MALRD1: variants seen among roughly 807,000 people sequenced by gnomAD.
MALRD1 encodes MAM and LDL receptor class A domain containing 1.
MALRD1 carries 247 observed loss-of-function variants against 242.1 expected under a neutral mutation model. That is an observed-to-expected ratio of 1.02 (90% confidence interval 0.92 to 1.13). The LOEUF (loss-of-function observed/expected upper bound fraction) is 1.13, where lower values mean the gene tolerates loss of function less well. Ranked by LOEUF, MALRD1 falls within the 50% of genes most tolerant of loss-of-function variation. The probability of loss-of-function intolerance (pLI) is 0.00; values close to 1 mark genes in which losing one functional copy is unlikely to be tolerated. For missense variants in MALRD1, 2,989 were observed against 2,533.1 expected (o/e 1.18, Z -3.86); for synonymous variants, 995 against 866.6 (o/e 1.15, Z -2.60).
chr10:19,687,114 C>T (rs568542485), intron 36 of MALRD1, among the ~76,000 whole-genome samples: 1 of 151,976 alleles, frequency 6.6e-6, no homozygotes, highest in South Asian at 2.1e-4. Context: ...AAAGTAATTA[C>T]ATCGTATCTA....
chr10:19,410,710 T>G (rs971115772), intron 28 of MALRD1, among the ~76,000 whole-genome samples: 17 of 151,306 alleles, frequency 1.1e-4, no homozygotes, highest in African/African-American at 3.6e-4. Flanking sequence ...ATCAAGTGTT[T>G]AGTGAGGACC....
intron 36 of MALRD1, among the ~76,000 whole-genome samples, chr10:19,687,693 C>T (rs1842633815): frequency 6.6e-6 from 1 of 152,128 alleles, no homozygotes; most frequent in Non-Finnish European, 1.5e-5. Context: ...TTATACAAAT[C>T]TTACTGATTT....
intron 28 of MALRD1, among the ~76,000 whole-genome samples, chr10:19,403,831 A>AT (rs1195239422): frequency 6.6e-6 from 1 of 152,076 alleles, no homozygotes; most frequent in African/African-American, 2.4e-5. Context: ...TTTCTAAGTT[A>AT]TTTTTCAGAA....
At chr10:19,057,311 C>A (rs534822438) in intron 1 of MALRD1, among the ~76,000 whole-genome samples, 1 of 152,252 alleles carries the variant, frequency 6.6e-6, no homozygotes, top group Non-Finnish European at 1.5e-5. Context: ...AAGGTGCCAG[C>A]AGATTCAGTG....
At chr10:19,279,599 A>G (rs981820742) in intron 19 of MALRD1, among the ~76,000 whole-genome samples, 1 of 152,210 alleles carries the variant, frequency 6.6e-6, no homozygotes, top group African/African-American at 2.4e-5. Flanking sequence ...GAAACCTTGA[A>G]TTTTAAATAA....
chr10:19,529,281 A>G (rs1180770774), intron 31 of MALRD1, among the ~76,000 whole-genome samples: 1 of 152,166 alleles, frequency 6.6e-6, no homozygotes, highest in African/African-American at 2.4e-5. Flanking sequence ...GTGGGAGGGA[A>G]TAATTGAAAA....
intron 32 of MALRD1, among the ~76,000 whole-genome samples, chr10:19,559,642 G>T (rs992720712): frequency 2.6e-5 from 4 of 152,076 alleles, no homozygotes; most frequent in Non-Finnish European, 5.9e-5. Context: ...TGACAAATGG[G>T]TTCTAATTAA....
chr10:19,175,619 C>A (rs1042816189), intron 14 of MALRD1, among the ~76,000 whole-genome samples: 8 of 151,262 alleles, frequency 5.3e-5, no homozygotes, highest in African/African-American at 1.9e-4. Context: ...AATTATCTTG[C>A]ATATTTTAAA....
At chr10:19,414,969 C>T (rs1433289805) in intron 28 of MALRD1, among the ~76,000 whole-genome samples, 1 of 152,122 alleles carries the variant, frequency 6.6e-6, no homozygotes, top group African/African-American at 2.4e-5. Flanking sequence ...ATCTGCATAC[C>T]TTCTACTTGA....
At chr10:19,588,845 G>A (rs7078344) in intron 33 of MALRD1, among the ~76,000 whole-genome samples, 56,438 of 151,920 alleles carry the variant, frequency 0.37, 11,766 homozygotes, top group Non-Finnish European at 0.48. Context: ...GTTTCACCAC[G>A]CTGGCCAGGC....
At chr10:19,607,438 C>T (rs1838691295) in intron 34 of MALRD1, among the ~76,000 whole-genome samples, 1 of 152,060 alleles carries the variant, frequency 6.6e-6, no homozygotes, top group Admixed American at 6.6e-5. Flanking sequence ...TCTCTCTCTT[C>T]TTATAACCTT....
At chr10:19,379,503 G>A (rs1845749370) in intron 26 of MALRD1, among the ~76,000 whole-genome samples, 1 of 151,920 alleles carries the variant, frequency 6.6e-6, no homozygotes. Flanking sequence ...ATTTTCATAG[G>A]GTTCAAACTA....
At chr10:19,442,500 C>T (rs1314637845) in intron 28 of MALRD1, among the ~76,000 whole-genome samples, 2 of 152,126 alleles carry the variant, frequency 1.3e-5, no homozygotes, top group Non-Finnish European at 2.9e-5. Context: ...CCCATCAATA[C>T]CTAATTTATT....
At chr10:19,372,973 T>C (rs1420457677) in intron 26 of MALRD1, among the ~76,000 whole-genome samples, 1 of 151,984 alleles carries the variant, frequency 6.6e-6, no homozygotes, top group East Asian at 1.9e-4. Flanking sequence ...TAAATAATCT[T>C]TGTGAAGATA....
chr10:19,104,290 G>T (rs1836385910), intron 5 of MALRD1, among the ~76,000 whole-genome samples: 1 of 152,112 alleles, frequency 6.6e-6, no homozygotes, highest in Non-Finnish European at 1.5e-5. Flanking sequence ...AACTGAATGG[G>T]ATAATTTAGT....
chr10:19,645,536 T>C (rs1840615045), intron 36 of MALRD1, among the ~76,000 whole-genome samples: 1 of 152,198 alleles, frequency 6.6e-6, no homozygotes, highest in African/African-American at 2.4e-5. Context: ...CACTGTGGAA[T>C]ACTATGCAGC....
intron 18 of MALRD1, among the ~76,000 whole-genome samples, chr10:19,219,403 A>G (rs1242147686): frequency 6.6e-6 from 1 of 152,152 alleles, no homozygotes; most frequent in Non-Finnish European, 1.5e-5. Flanking sequence ...AGAGTACCAT[A>G]GCATATGTGA....
At chr10:19,233,190 T>A (rs571885782) in intron 18 of MALRD1, among the ~76,000 whole-genome samples, 1 of 152,242 alleles carries the variant, frequency 6.6e-6, no homozygotes, top group South Asian at 2.1e-4. Flanking sequence ...CCCTCAAGCA[T>A]TTATCCTCTG....
At position 19,347,816 on chromosome 10, in the gene MALRD1, G is replaced by A. The variant is rs1844198273; in HGVS notation, c.3947G>A (p.Trp1316Ter). The A allele has an allele frequency of 6.4e-7, 1 of 1,550,470 alleles. No homozygotes were observed. The highest frequency in any genetic ancestry group is 8.7e-7 in the Non-Finnish European group (1 of 1,146,842). The change falls in exon 25 of 40, where the codon TGG (tryptophan) becomes TAG (stop). Residue 1316 changes from tryptophan to a stop codon, truncating the protein, a stop_gained. Coordinates refer to ENST00000454679, the MANE Select transcript of MALRD1 (RefSeq NM_001142308.3). LOFTEE classifies it high-confidence loss of function. ...GATTTCGAATTTGATCTTTGTTCCTGGAAGCAGGAGAAAGATGAGGACTTT... is the reference window on the plus strand; with the variant it reads ...GATTTCGAATTTGATCTTTGTTCCTAGAAGCAGGAGAAAGATGAGGACTTT... Reference protein sequence around the residue: ...RCDFEFDLCSWKQEKDEDFDW... With the variant: ...RCDFEFDLCS
Sources: gnomAD v4.1 joint callset for allele counts (sites outside exome capture counted in the v4.1 genomes callset) on GRCh38, gnomAD v4.1.1 for gene constraint, MANE v1.5 for transcripts, NCBI Gene and HGNC (gene_info 2026-07-23, HGNC 2026-07-21) for gene names.